The following DIAPH3 variants were observed in gnomAD, a reference collection of about 807,000 sequenced individuals.
The protein encoded by DIAPH3 is protein diaphanous homolog 3.
A neutral mutation model predicts 144.3 loss-of-function variants in DIAPH3; 117 were observed. That is an observed-to-expected ratio of 0.81 (90% CI 0.70 to 0.95). The LOEUF (loss-of-function observed/expected upper bound fraction) is 0.95, where lower values mean the gene tolerates loss of function less well. Ranked by LOEUF, DIAPH3 falls within the 40% of genes least tolerant of loss-of-function variation. DIAPH3 has a pLI of 0.00. For synonymous variants in DIAPH3, 519 were observed against 488.9 expected, an observed-to-expected ratio of 1.06 and a Z score of -0.81; for missense variants, 1,421 against 1,412.7, an observed-to-expected ratio of 1.01 and a Z score of -0.09.
chr13:59,728,076 A>C (rs2035695390), intron 27 of DIAPH3, among the ~76,000 whole-genome samples: 1 of 151,364 alleles, frequency 6.6e-6, no homozygotes, highest in African/African-American at 2.4e-5. Context: ...CAAAAAAAAA[A>C]ACAGGGCATC....
At chr13:59,736,573 T>C (rs967615977) in intron 27 of DIAPH3, among the ~76,000 whole-genome samples, 3 of 152,158 alleles carry the variant, frequency 2.0e-5, no homozygotes, top group African/African-American at 4.8e-5. Context: ...GTCATTAAAA[T>C]GGCCATATTA....
At chr13:60,008,918 C>T (rs987652868) in intron 8 of DIAPH3, among the ~76,000 whole-genome samples, 16 of 152,138 alleles carry the variant, frequency 1.1e-4, no homozygotes, top group Non-Finnish European at 2.4e-4. Flanking sequence ...TTACAAACAT[C>T]AACTCATTTT....
intron 27 of DIAPH3, among the ~76,000 whole-genome samples, chr13:59,693,135 G>A (rs1158382290): frequency 3.3e-5 from 5 of 152,124 alleles, no homozygotes; most frequent in Admixed American, 3.3e-4. Flanking sequence ...GTGGAAGAAC[G>A]GCATTCCAGG....
intron 21 of DIAPH3, among the ~76,000 whole-genome samples, chr13:59,874,352 T>C (rs896444505): frequency 6.6e-6 from 1 of 152,222 alleles, no homozygotes; most frequent in African/African-American, 2.4e-5. Flanking sequence ...CATTAAAGAA[T>C]ATGAGAATTT....
chr13:59,668,616 G>T (rs541566916), intron 27 of DIAPH3, among the ~76,000 whole-genome samples: 147 of 152,292 alleles, frequency 9.7e-4, no homozygotes, highest in African/African-American at 3.5e-3. Flanking sequence ...TTGGTGCAAA[G>T]TAGGTGCTCA....
chr13:59,822,678 G>A (rs766513475), intron 24 of DIAPH3, among the ~76,000 whole-genome samples: 2 of 151,832 alleles, frequency 1.3e-5, no homozygotes, highest in East Asian at 3.9e-4. Context: ...TCCTGACCTC[G>A]TGATCCACCC....
At chr13:59,790,348 A>G (rs2039263383) in intron 25 of DIAPH3, among the ~76,000 whole-genome samples, 1 of 152,234 alleles carries the variant, frequency 6.6e-6, no homozygotes, top group Admixed American at 6.5e-5. Flanking sequence ...TAGATATCAC[A>G]GTAAACTGTG....
At chr13:59,717,497 A>AC (rs148000083) in intron 27 of DIAPH3, among the ~76,000 whole-genome samples, 4,870 of 152,242 alleles carry the variant, frequency 0.032, 284 homozygotes, top group African/African-American at 0.11. Flanking sequence ...TCCTGGTCCA[A>AC]CCAAGGCCAG....
chr13:60,055,571 T>G (rs2056523687), intron 4 of DIAPH3, among the ~76,000 whole-genome samples: 1 of 151,798 alleles, frequency 6.6e-6, no homozygotes. Flanking sequence ...CAGAGAATAC[T>G]AAACAAACCA....
intron 7 of DIAPH3, 78 bp from the exon 8 acceptor site, chr13:60,010,747 T>A: frequency 7.0e-7 from 1 of 1,420,428 alleles, no homozygotes; most frequent in Non-Finnish European, 9.7e-7. Context: ...ATGTAGTTAT[T>A]AAAAAAAATT....
chr13:59,720,618 T>C (rs969785990), intron 27 of DIAPH3, among the ~76,000 whole-genome samples: 11 of 152,102 alleles, frequency 7.2e-5, no homozygotes, highest in Non-Finnish European at 1.2e-4. Context: ...TTGTAAATGA[T>C]GGTCGAACAA....
chr13:60,147,222 G>A (rs1339275442), intron 1 of DIAPH3: 1 of 152,184 alleles, frequency 6.6e-6, no homozygotes, highest in Non-Finnish European at 1.5e-5. Flanking sequence ...TTCTCAGCAT[G>A]TGTCTTCAAC....
At chr13:59,700,564 C>T (rs903299008) in intron 27 of DIAPH3, among the ~76,000 whole-genome samples, 10 of 152,032 alleles carry the variant, frequency 6.6e-5, no homozygotes, top group East Asian at 1.9e-4. Context: ...ATGGGTATGA[C>T]GTAACTTGTG....
intron 27 of DIAPH3, among the ~76,000 whole-genome samples, chr13:59,739,307 G>A (rs1387226714): frequency 1.3e-5 from 2 of 152,148 alleles, no homozygotes; most frequent in African/African-American, 4.8e-5. Context: ...ACTGTTGGAG[G>A]CTGCATGGTA....
intron 20 of DIAPH3, among the ~76,000 whole-genome samples, chr13:59,883,260 A>G (rs766289503): frequency 2.0e-5 from 3 of 152,048 alleles, no homozygotes; most frequent in Non-Finnish European, 2.9e-5. Flanking sequence ...TTATGGTTCT[A>G]TTTTTCACAT....
chr13:59,991,484 C>A (rs534294682), intron 11 of DIAPH3, among the ~76,000 whole-genome samples: 1 of 152,080 alleles, frequency 6.6e-6, no homozygotes, highest in African/African-American at 2.4e-5. Flanking sequence ...CTTCTACAAT[C>A]AGTTCCAACT....
At chr13:59,723,988 A>G (rs2035487468) in intron 27 of DIAPH3, among the ~76,000 whole-genome samples, 1 of 149,310 alleles carries the variant, frequency 6.7e-6, no homozygotes, top group Non-Finnish European at 1.5e-5. Context: ...AAAGAATATG[A>G]TTGGCTGTCA....
At chr13:60,068,612 T>C (rs974066633) in intron 4 of DIAPH3, among the ~76,000 whole-genome samples, 1 of 152,158 alleles carries the variant, frequency 6.6e-6, no homozygotes, top group Non-Finnish European at 1.5e-5. Flanking sequence ...GCAATGAGCA[T>C]ACTACCTGAT....
At chr13:60,128,577 A>G (rs549712390) in intron 2 of DIAPH3, among the ~76,000 whole-genome samples, 28 of 152,302 alleles carry the variant, frequency 1.8e-4, no homozygotes, top group Admixed American at 7.2e-4. Context: ...CATAACTAAC[A>G]CAAAGTCACA....
Sources: gnomAD v4.1 joint callset for allele counts (sites outside exome capture counted in the v4.1 genomes callset) on GRCh38, gnomAD v4.1.1 for gene constraint, MANE v1.5 for transcripts, NCBI Gene and HGNC (gene_info 2026-07-23, HGNC 2026-07-21) for gene names.